Variants in PHF24 observed in about 807,000 individuals in gnomAD.
PHF24 encodes the protein Galpha inhibitory interacting protein.
PHF24 carries 25 observed loss-of-function variants against 42.6 expected under a neutral mutation model. The observed-to-expected ratio is 0.59, with a 90% CI of 0.43 to 0.82. PHF24 has a LOEUF of 0.82. Ranked by LOEUF, PHF24 falls within the 40% of genes least tolerant of loss-of-function variation. The pLI is 0.00. For missense variants in PHF24, 470 were observed against 538.1 expected (o/e 0.87, Z 1.25); for synonymous variants, 185 against 204.8 (o/e 0.90, Z 0.83).
At chr9:34,949,068 T>C in the PHF24 span, among the ~76,000 whole-genome samples, 1 of 152,176 alleles carries the variant, frequency 6.6e-6, no homozygotes, top group Non-Finnish European at 1.5e-5. Context: ...TCCACAAGTA[T>C]ACTGGAAGAT....
chr9:34,758,568 T>C, the PHF24 span, among the ~76,000 whole-genome samples: 23 of 152,124 alleles, frequency 1.5e-4, no homozygotes, highest in Non-Finnish European at 2.6e-4. The surrounding 1 kb of genome is among the most constrained non-coding windows in gnomAD (Gnocchi z 4.4). Flanking sequence ...CCTTGTGGGC[T>C]TGACATAATG....
chr9:34,832,497 G>A, the PHF24 span: 60 of 1,511,776 alleles, frequency 4.0e-5, no homozygotes, highest in Non-Finnish European at 1.6e-5. Flanking sequence ...GCACCCTGTC[G>A]GCTTCTCTGT....
At chr9:34,941,890 CACAA>C in the PHF24 span, among the ~76,000 whole-genome samples, 1 of 152,170 alleles carries the variant, frequency 6.6e-6, no homozygotes, top group African/African-American at 2.4e-5. Flanking sequence ...TTTGAAGGGA[CACAA>C]ACAGTCAGAC....
the PHF24 span, among the ~76,000 whole-genome samples, chr9:34,882,585 C>T: frequency 1.3e-5 from 2 of 148,682 alleles, no homozygotes; most frequent in African/African-American, 5.2e-5. Flanking sequence ...AAACAGAGAG[C>T]CAAATCATGA....
the PHF24 span, among the ~76,000 whole-genome samples, chr9:34,667,812 G>T: frequency 3.3e-5 from 5 of 152,288 alleles, no homozygotes; most frequent in South Asian, 8.3e-4. Flanking sequence ...TGGAGCCATA[G>T]AACTCATCTT....
chr9:34,742,559 A>C, the PHF24 span, among the ~76,000 whole-genome samples: 1 of 152,080 alleles, frequency 6.6e-6, no homozygotes, highest in African/African-American at 2.4e-5. Flanking sequence ...ACGTCACCAA[A>C]TGTGGTGTAC....
chr9:34,938,934 C>CAAAAAAAA, the PHF24 span, among the ~76,000 whole-genome samples: 1 of 63,436 alleles, frequency 1.6e-5, no homozygotes, highest in African/African-American at 7.9e-5. Context: ...GAGACTCCAT[C>CAAAAAAAA]AAAAAAAAAA....
the PHF24 span, among the ~76,000 whole-genome samples, chr9:34,741,463 A>C: frequency 6.6e-6 from 1 of 151,748 alleles, no homozygotes; most frequent in South Asian, 2.1e-4. Flanking sequence ...CCCAGGTTCA[A>C]GTGATTCTCC....
the PHF24 span, among the ~76,000 whole-genome samples, chr9:34,739,782 T>C: frequency 6.6e-5 from 10 of 152,280 alleles, no homozygotes; most frequent in South Asian, 1.9e-3. Context: ...CCCCAGCGTG[T>C]TGCCGCTGCT....
the PHF24 span, among the ~76,000 whole-genome samples, chr9:34,872,617 T>A: frequency 7.1e-6 from 1 of 141,208 alleles, no homozygotes; most frequent in African/African-American, 2.6e-5. Context: ...TGTTGGACAT[T>A]TGGGTTGGTT....
At chr9:34,703,568 T>A in the PHF24 span, among the ~76,000 whole-genome samples, 1 of 152,082 alleles carries the variant, frequency 6.6e-6, no homozygotes, top group South Asian at 2.1e-4. Flanking sequence ...AAGTAGGAAT[T>A]GTGGCCAGCC....
At chr9:34,671,978 A>T in the PHF24 span, among the ~76,000 whole-genome samples, 2 of 151,940 alleles carry the variant, frequency 1.3e-5, no homozygotes, top group Non-Finnish European at 2.9e-5. Flanking sequence ...TTATTCATTT[A>T]TTGTTTCCCT....
chr9:34,788,064 G>T, the PHF24 span, among the ~76,000 whole-genome samples: 1 of 151,998 alleles, frequency 6.6e-6, no homozygotes, highest in African/African-American at 2.4e-5. Context: ...TTGAGACAGG[G>T]TCTCCCTCTG....
At chr9:34,749,489 T>C in the PHF24 span, among the ~76,000 whole-genome samples, 2 of 152,032 alleles carry the variant, frequency 1.3e-5, no homozygotes, top group Admixed American at 1.3e-4. Flanking sequence ...TCTGAGCACC[T>C]TGAAAGGCCA....
At chr9:34,918,120 G>A in the PHF24 span, 4 of 1,547,504 alleles carry the variant, frequency 2.6e-6, no homozygotes, top group Non-Finnish European at 3.6e-6. Context: ...TTCTGCTGGT[G>A]TAGCCAATCG....
chr9:34,707,111 G>C, the PHF24 span, among the ~76,000 whole-genome samples: 1 of 152,226 alleles, frequency 6.6e-6, no homozygotes, highest in Non-Finnish European at 1.5e-5. Flanking sequence ...GTGGGCACTG[G>C]GCTCTAATTT....
the PHF24 span, chr9:34,835,360 C>G: frequency 5.8e-3 from 8,987 of 1,550,218 alleles, 34 homozygotes; most frequent in Non-Finnish European, 6.6e-3. Flanking sequence ...GGGACTCCTC[C>G]ACACGTCTTG....
At position 34,976,086 on chromosome 9, in the gene PHF24, C is replaced by T. The variant is rs1319576384; in HGVS notation, c.565-66C>T. The T allele has an allele frequency of 4.7e-6, 5 of 1,064,240 alleles. No homozygotes were observed. In the East Asian group the frequency reaches 7.1e-5, roughly 15 times the overall value. The allele number at this position is 1,064,240 out of a possible 1,614,324, so 65.9% of individuals were successfully genotyped here. ...TTTCCAGTTGAAATTCTATTTCTAG[C>T]CCCCTTGACCCTGGCCTTTCTTACT... is the stretch of plus-strand genomic sequence containing the variant. On this transcript the variant is annotated intron_variant, in intron 3 of 7. Coordinates refer to ENST00000242315, the Ensembl canonical transcript of PHF24.
the PHF24 span, among the ~76,000 whole-genome samples, chr9:34,841,713 C>T: frequency 6.6e-6 from 1 of 152,040 alleles, no homozygotes. Context: ...CAAAAATTAG[C>T]CAGGAGTGGT....
Sources: allele counts gnomAD v4.1 joint callset (sites outside exome capture counted in the v4.1 genomes callset), GRCh38; gene constraint gnomAD v4.1.1; non-coding constraint Gnocchi (gnomAD v3.1); transcripts MANE v1.5; gene names NCBI Gene and HGNC (gene_info 2026-07-23, HGNC 2026-07-21).